PBX1: variants seen among roughly 807,000 people sequenced by gnomAD.
PBX1 encodes PBX homeobox 1, also known as pre-B-cell leukemia transcription factor 1.
Under a neutral mutation model 53.4 loss-of-function variants are expected in PBX1, and 6 were observed. The observed-to-expected ratio is 0.11, with a 90% confidence interval of 0.06 to 0.22. The LOEUF (loss-of-function observed/expected upper bound fraction) is 0.22, where lower values mean the gene tolerates loss of function less well. Ranked by LOEUF, PBX1 falls within the 10% of genes least tolerant of loss-of-function variation. The probability of loss-of-function intolerance (pLI) is 1.00; values close to 1 mark genes in which losing one functional copy is unlikely to be tolerated. For missense variants in PBX1, 251 were observed against 551.4 expected, an observed-to-expected ratio of 0.46 and a Z score of 5.46; for synonymous variants, 204 against 212.3, an observed-to-expected ratio of 0.96 and a Z score of 0.34.
chr1:164,712,559 A>G (rs1384767489), intron 2 of PBX1, among the ~76,000 whole-genome samples: 1 of 152,180 alleles, frequency 6.6e-6, no homozygotes, highest in Non-Finnish European at 1.5e-5. Context: ...CCCGGTTGAT[A>G]TCGGAAGGCA....
At chr1:164,834,260 G>A (rs911963064) in intron 8 of PBX1, among the ~76,000 whole-genome samples, 8 of 151,944 alleles carry the variant, frequency 5.3e-5, no homozygotes, top group African/African-American at 1.9e-4. Flanking sequence ...CAAAGAAAAT[G>A]AAAAGGAGAC....
chr1:164,624,335 C>G (rs1236804140), intron 2 of PBX1, among the ~76,000 whole-genome samples: 1 of 152,140 alleles, frequency 6.6e-6, no homozygotes, highest in Admixed American at 6.5e-5. Flanking sequence ...CATGTAAGCT[C>G]AGAAATAATC....
At chr1:164,704,346 C>T (rs570734677) in intron 2 of PBX1, among the ~76,000 whole-genome samples, 2 of 152,264 alleles carry the variant, frequency 1.3e-5, no homozygotes, top group Admixed American at 6.5e-5. Flanking sequence ...CACAGCTTTC[C>T]CAGGGCTGGG....
At chr1:164,608,470 CAAAAAT>C (rs1298325685) in intron 2 of PBX1, among the ~76,000 whole-genome samples, 1 of 152,138 alleles carries the variant, frequency 6.6e-6, no homozygotes, top group African/African-American at 2.4e-5. Context: ...TGATTTTTAA[CAAAAAT>C]ACTTTCCACT....
At chr1:164,562,638 A>C (rs539699486) in intron 1 of PBX1, among the ~76,000 whole-genome samples, 1 of 152,328 alleles carries the variant, frequency 6.6e-6, no homozygotes, top group African/African-American at 2.4e-5. Flanking sequence ...AGAGAAATGA[A>C]TTTATTCCCC....
chr1:164,770,079 G>A (rs771809651), intron 2 of PBX1: 19 of 152,276 alleles, frequency 1.2e-4, no homozygotes, highest in African/African-American at 1.7e-4. Flanking sequence ...CTTGATGTGT[G>A]GGTCAGCATA....
chr1:164,754,420 A>C (rs1174741339), intron 2 of PBX1, among the ~76,000 whole-genome samples: 1 of 152,152 alleles, frequency 6.6e-6, no homozygotes, highest in East Asian at 1.9e-4. Flanking sequence ...CTTACCATAC[A>C]TCTTCCTAAA....
Position 164,851,762 on chromosome 1 carries a change from T to C in PBX1, c.*5086T>C, listed in dbSNP as rs1393650182. On this transcript the variant is annotated 3_prime_UTR_variant, in exon 9 of 9. Coordinates refer to ENST00000420696, the MANE Select transcript of PBX1 (RefSeq NM_002585.4). ...TAATGATACTAACACGGTGTAGGTT[T>C]TACAGTCTCCTAATTTGTACTGGTA... is the stretch of plus-strand genomic sequence containing the variant. 1 of 178,420 alleles carries C rather than the reference T, an allele frequency of 5.6e-6. No homozygotes were observed. The highest frequency in any genetic ancestry group is 1.2e-5 in the Non-Finnish European group (1 of 83,130). 11.1% of individuals were successfully genotyped at this position (178,420 alleles called of 1,614,324 possible).
chr1:164,665,035 G>A (rs1416457436), intron 2 of PBX1, among the ~76,000 whole-genome samples: 1 of 152,098 alleles, frequency 6.6e-6, no homozygotes, highest in Non-Finnish European at 1.5e-5. Context: ...GGGAAAAGGA[G>A]GACTGTGAAC....
chr1:164,865,751 A>G lies in PBX1; in HGVS notation n.258-33437A>G, dbSNP rs774813693. Among the ~76,000 whole-genome samples the G allele has an allele frequency of 1.1e-4, 17 of 152,212 alleles. 1 individual carries two copies. The highest frequency in any genetic ancestry group is 2.4e-4 in the Non-Finnish European group (16 of 68,042). ...CTCATACTTAATTTTTTTCCAGAAT[A>G]TGCACATTCCTGCTCTACATATCTA... On this transcript the variant is annotated intron_variant and non_coding_transcript_variant, in intron 2 of 2. Transcript: ENST00000558796.
intron 2 of PBX1, among the ~76,000 whole-genome samples, chr1:164,882,165 T>C (rs1036019321): frequency 3.9e-5 from 6 of 152,074 alleles, no homozygotes; most frequent in African/African-American, 1.2e-4. Context: ...TATTAAGTGA[T>C]TTTCTCAAAA....
rs146537760 is a variant in PBX1, at chr1:164,594,772, A to G, written c.265+31461A>G. Among the ~76,000 whole-genome samples, 291 of 152,272 alleles carry G rather than the reference A, an allele frequency of 1.9e-3. 3 individuals are homozygous for G. Among genetic ancestry groups the G allele is most frequent in the African/African-American group, 6.7e-3 (280 of 41,550 alleles). ...ATCTCTTTTGTCCTAAGTCTTCACT[A>G]TTTTGCATGTATTTTACCAATTTAG... On this transcript the variant is annotated intron_variant, in intron 2 of 8. Coordinates refer to ENST00000420696, the MANE Select transcript of PBX1 (RefSeq NM_002585.4).
intron 2 of PBX1, among the ~76,000 whole-genome samples, chr1:164,588,761 G>A (rs1655138957): frequency 6.6e-6 from 1 of 151,930 alleles, no homozygotes; most frequent in African/African-American, 2.4e-5. Context: ...CCACAGCATG[G>A]GCCCAACAGC....
chr1:164,801,781 T>G (rs1669087533), intron 4 of PBX1, among the ~76,000 whole-genome samples: 1 of 152,214 alleles, frequency 6.6e-6, no homozygotes, highest in African/African-American at 2.4e-5. Context: ...TAACCTATTG[T>G]CATCGTTACT....
chr1:164,663,324 C>G (rs910152448), intron 2 of PBX1, among the ~76,000 whole-genome samples: 4 of 152,066 alleles, frequency 2.6e-5, no homozygotes, highest in Non-Finnish European at 5.9e-5. Context: ...CTCTCTCTCT[C>G]TCTTCTTCCC....
At chr1:164,589,356 A>G (rs1655194517) in intron 2 of PBX1, among the ~76,000 whole-genome samples, 1 of 151,706 alleles carries the variant, frequency 6.6e-6, no homozygotes, top group Non-Finnish European at 1.5e-5. Context: ...CAGTAAGGAG[A>G]GGGGGCGGGG....
chr1:164,883,314 T>C (rs1571558804), intron 2 of PBX1, among the ~76,000 whole-genome samples: 2 of 152,256 alleles, frequency 1.3e-5, no homozygotes, highest in East Asian at 3.9e-4. Flanking sequence ...GTCAACTCAA[T>C]CAATTGTCAT....
At chr1:164,752,759 T>C (rs749887108) in intron 2 of PBX1, among the ~76,000 whole-genome samples, 14 of 152,192 alleles carry the variant, frequency 9.2e-5, no homozygotes, top group Non-Finnish European at 1.6e-4. Context: ...AGGAGTGCAG[T>C]GAATCAGCTG....
At chr1:164,786,712 T>TGCGCGC in intron 2 of PBX1, among the ~76,000 whole-genome samples, 1 of 114,816 alleles carries the variant, frequency 8.7e-6, no homozygotes. Flanking sequence ...TGTGTGTGTG[T>TGCGCGC]GTGTGTGTGC....
Sources: gnomAD v4.1 joint callset for allele counts (sites outside exome capture counted in the v4.1 genomes callset) on GRCh38, gnomAD v4.1.1 for gene constraint, MANE v1.5 for transcripts, NCBI Gene and HGNC (gene_info 2026-07-23, HGNC 2026-07-21) for gene names.